Variants in GABRB2 observed in about 807,000 individuals in gnomAD.
The protein encoded by GABRB2 is gamma-aminobutyric acid type A receptor subunit beta2.
GABRB2 carries 16 observed loss-of-function variants against 54.7 expected under a neutral mutation model. The observed-to-expected ratio is 0.29, with a 90% confidence interval of 0.20 to 0.44. The LOEUF is 0.44. Among genes scored for constraint, GABRB2 ranks in the 20% least tolerant of loss-of-function variants. The pLI is 1.00. For synonymous variants in GABRB2, 244 were observed against 233.8 expected (o/e 1.04, Z -0.40); for missense variants, 355 against 644.0 (o/e 0.55, Z 4.86).
chr5:161,498,227 A>G (rs768572600), intron 3 of GABRB2, among the ~76,000 whole-genome samples: 1 of 152,168 alleles, frequency 6.6e-6, no homozygotes, highest in African/African-American at 2.4e-5. Context: ...TTGGGTCCTT[A>G]TAAGTATTCA....
At chr5:161,520,452 C>T (rs535259367) in intron 3 of GABRB2, among the ~76,000 whole-genome samples, 39 of 152,092 alleles carry the variant, frequency 2.6e-4, no homozygotes, top group African/African-American at 8.4e-4. Flanking sequence ...TAAAATGATC[C>T]TATTTTTTAT....
intron 5 of GABRB2, among the ~76,000 whole-genome samples, chr5:161,367,411 A>G (rs995095562): frequency 1.3e-5 from 2 of 152,216 alleles, no homozygotes; most frequent in African/African-American, 4.8e-5. Context: ...AGTGTTAGTT[A>G]TTATTGTTGT....
intron 5 of GABRB2, among the ~76,000 whole-genome samples, chr5:161,340,573 T>C (rs1389359193): frequency 1.3e-5 from 2 of 151,932 alleles, no homozygotes; most frequent in Non-Finnish European, 2.9e-5. Context: ...TATGTATTAG[T>C]TCATCCTAAG....
At chr5:161,417,077 T>C (rs150511380) in intron 4 of GABRB2, among the ~76,000 whole-genome samples, 236 of 152,218 alleles carry the variant, frequency 1.6e-3, no homozygotes, top group African/African-American at 5.6e-3. Flanking sequence ...CAACGTCACT[T>C]CAAAAAATTC....
intron 3 of GABRB2, among the ~76,000 whole-genome samples, chr5:161,503,820 G>A (rs12652035): frequency 0.049 from 7,463 of 151,476 alleles, 452 homozygotes; most frequent in Admixed American, 0.17. Flanking sequence ...CTTCATAAGA[G>A]AGGCATTTTA....
At chr5:161,415,849 G>A (rs960015432) in intron 4 of GABRB2, among the ~76,000 whole-genome samples, 4 of 152,114 alleles carry the variant, frequency 2.6e-5, no homozygotes, top group African/African-American at 4.8e-5. Context: ...CTGACCTCAG[G>A]TGATCCACTT....
intron 3 of GABRB2, among the ~76,000 whole-genome samples, chr5:161,496,054 A>G: frequency 6.6e-6 from 1 of 152,108 alleles, no homozygotes; most frequent in Non-Finnish European, 1.5e-5. Flanking sequence ...ACAAGAACAT[A>G]CCATCTCCGC....
At chr5:161,485,630 C>T (rs944493284) in intron 3 of GABRB2, among the ~76,000 whole-genome samples, 10 of 151,828 alleles carry the variant, frequency 6.6e-5, no homozygotes, top group Non-Finnish European at 8.8e-5. Flanking sequence ...GAAAATCAGC[C>T]CTCTCCCACT....
intron 5 of GABRB2, among the ~76,000 whole-genome samples, chr5:161,378,514 G>A (rs1251053890): frequency 1.3e-5 from 2 of 151,994 alleles, no homozygotes; most frequent in African/African-American, 4.8e-5. Flanking sequence ...TTTCTTACTT[G>A]TTTACTGTGG....
intron 4 of GABRB2, among the ~76,000 whole-genome samples, chr5:161,415,254 G>T (rs551516716): frequency 1.3e-5 from 2 of 152,106 alleles, no homozygotes; most frequent in African/African-American, 4.8e-5. Flanking sequence ...GTAGTAAGTC[G>T]TCTATAGTTA....
intron 5 of GABRB2, among the ~76,000 whole-genome samples, chr5:161,344,653 T>A (rs1465507679): frequency 6.6e-6 from 1 of 152,042 alleles, no homozygotes; most frequent in Non-Finnish European, 1.5e-5. Flanking sequence ...CTCAAGGATC[T>A]ACAACCAGAC....
chr5:161,460,268 A>ATG (rs57673547), intron 3 of GABRB2, among the ~76,000 whole-genome samples: 7,402 of 148,616 alleles, frequency 0.05, 203 homozygotes, highest in Non-Finnish European at 0.069. Flanking sequence ...TTATATATAT[A>ATG]TGTGTGTGTG....
At position 161,290,239 on chromosome 5, in the gene GABRB2, G is replaced by A. The variant is rs1400773654; in HGVS notation, c.*3842C>T. 3 of 152,168 alleles carry A rather than the reference G, an allele frequency of 2.0e-5. No individual in the cohort carries two copies. The highest frequency in any genetic ancestry group is 4.4e-5 in the Non-Finnish European group (3 of 67,918). The allele number at this position is 152,168 out of a possible 1,614,324, so 9.4% of individuals were successfully genotyped here. ...AGTATTTTGCCCTAACCAACATGGT[G>A]GGGTTTAGTTTTTTTTTTTTCTTCC... On this transcript the variant is annotated 3_prime_UTR_variant, in exon 10 of 10. Transcript: ENST00000393959.
At chr5:161,464,282 A>T (rs1021099569) in intron 3 of GABRB2, among the ~76,000 whole-genome samples, 1 of 152,132 alleles carries the variant, frequency 6.6e-6, no homozygotes, top group African/African-American at 2.4e-5. Context: ...TAAGCAAAAG[A>T]TGTGAACAGA....
chr5:161,507,182 G>A (rs1759632006), intron 3 of GABRB2, among the ~76,000 whole-genome samples: 1 of 152,044 alleles, frequency 6.6e-6, no homozygotes, highest in African/African-American at 2.4e-5. Context: ...GGAGGGAAAT[G>A]GGAGTCATGA....
chr5:161,389,485 T>C (rs1455325090), intron 5 of GABRB2, among the ~76,000 whole-genome samples: 1 of 152,002 alleles, frequency 6.6e-6, no homozygotes, highest in Non-Finnish European at 1.5e-5. Context: ...ATATCTCATA[T>C]TCATTAAACC....
chr5:161,452,721 C>T (rs989038155), intron 4 of GABRB2, among the ~76,000 whole-genome samples: 2 of 151,948 alleles, frequency 1.3e-5, no homozygotes, highest in African/African-American at 4.8e-5. Flanking sequence ...AGGCCAAGCA[C>T]AGAAGATCAG....
rs200639439 is a variant in GABRB2 at position 161,413,126 on chromosome 5, CT to C, written c.459-2070del. On this transcript the variant is annotated intron_variant, in intron 4 of 9. Coordinates refer to ENST00000393959, the MANE Select transcript of GABRB2 (RefSeq NM_001371727.1). ...AGTTTAAGCTGTTTAAGGGCACAGA[CT>C]TTGTTCTATTTGCTGTTAAGGAACT... Among the ~76,000 whole-genome samples the C allele has an allele frequency of 3.4e-3, 520 of 152,156 alleles. 4 individuals carry two copies. Among genetic ancestry groups the C allele is most frequent in the African/African-American group, 0.012 (484 of 41,520 alleles).
intron 5 of GABRB2, among the ~76,000 whole-genome samples, chr5:161,353,170 C>A (rs1007557844): frequency 1.3e-5 from 2 of 151,992 alleles, no homozygotes; most frequent in African/African-American, 4.8e-5. Flanking sequence ...TCTAATACAA[C>A]TTTTGGCTTC....
Sources: gnomAD v4.1 joint callset for allele counts (sites outside exome capture counted in the v4.1 genomes callset) on GRCh38, gnomAD v4.1.1 for gene constraint, MANE v1.5 for transcripts, NCBI Gene and HGNC (gene_info 2026-07-23, HGNC 2026-07-21) for gene names.